The following LSAMP variants were observed in gnomAD, a reference collection of about 807,000 sequenced individuals.
The protein encoded by LSAMP is limbic system-associated membrane protein.
LSAMP carries 7 observed loss-of-function variants against 38.6 expected under a neutral mutation model. The observed-to-expected ratio is 0.18, with a 90% CI of 0.10 to 0.34. LSAMP has a LOEUF of 0.34. Among genes scored for constraint, LSAMP ranks in the 10% least tolerant of loss-of-function variants. The probability of loss-of-function intolerance (pLI) is 1.00; values close to 1 mark genes in which losing one functional copy is unlikely to be tolerated. For synonymous variants in LSAMP, 154 were observed against 166.8 expected (o/e 0.92, Z 0.59); for missense variants, 313 against 420.0 (o/e 0.75, Z 2.23).
At chr3:116,160,636 C>A (rs544307702) in intron 1 of LSAMP, among the ~76,000 whole-genome samples, 1 of 152,110 alleles carries the variant, frequency 6.6e-6, no homozygotes, top group South Asian at 2.1e-4. Context: ...ACTCGTATTA[C>A]AAACCTGCAC....
intron 1 of LSAMP, among the ~76,000 whole-genome samples, chr3:116,338,817 G>C (rs1032438282): frequency 6.6e-6 from 1 of 152,068 alleles, no homozygotes; most frequent in Non-Finnish European, 1.5e-5. Flanking sequence ...CTGGACTGGA[G>C]CTGCTGCAGT....
intron 3 of LSAMP, among the ~76,000 whole-genome samples, chr3:115,939,570 T>TTCTTTCTTTC (rs1553751077): frequency 0.061 from 8,301 of 136,830 alleles, 437 homozygotes; most frequent in East Asian, 0.15. Context: ...CTTTCTTTCT[T>TTCTTTCTTTC]TCTTTCTTTC....
chr3:115,853,317 T>C (rs1935389876), intron 3 of LSAMP, among the ~76,000 whole-genome samples: 1 of 152,202 alleles, frequency 6.6e-6, no homozygotes. Context: ...TAGAGGCTTT[T>C]AGGCCATGGG....
At chr3:116,112,730 G>T (rs908498320) in intron 1 of LSAMP, among the ~76,000 whole-genome samples, 1 of 152,148 alleles carries the variant, frequency 6.6e-6, no homozygotes, top group Non-Finnish European at 1.5e-5. Context: ...AGTGGGGAAC[G>T]AGTTTGGTAT....
At chr3:116,064,566 G>A (rs963954626) in intron 2 of LSAMP, among the ~76,000 whole-genome samples, 2 of 148,804 alleles carry the variant, frequency 1.3e-5, no homozygotes, top group Non-Finnish European at 3.0e-5. Context: ...GTGTGAAAAA[G>A]CAGTAAAGCA....
At chr3:115,848,109 T>C (rs73140489) in intron 4 of LSAMP, among the ~76,000 whole-genome samples, 1 of 152,336 alleles carries the variant, frequency 6.6e-6, no homozygotes, top group Non-Finnish European at 1.5e-5. Context: ...AAGATGAGCA[T>C]GGAGACTGAA....
chr3:116,324,788 A>G (rs1177229703), intron 1 of LSAMP, among the ~76,000 whole-genome samples: 2 of 152,098 alleles, frequency 1.3e-5, no homozygotes, highest in Non-Finnish European at 2.9e-5. Context: ...GTATCTTGTC[A>G]TTGTCTACAA....
intron 3 of LSAMP, among the ~76,000 whole-genome samples, chr3:115,991,983 T>A (rs1332086242): frequency 6.6e-6 from 1 of 152,012 alleles, no homozygotes; most frequent in Non-Finnish European, 1.5e-5. Context: ...GCTACTAGAT[T>A]TTTTCCCCCT....
chr3:115,931,555 C>T (rs4368499), intron 3 of LSAMP, among the ~76,000 whole-genome samples: 51,996 of 152,008 alleles, frequency 0.34, 9,815 homozygotes, highest in South Asian at 0.61. Flanking sequence ...CTGTTTAGAG[C>T]GTGTCTCCAC....
intron 1 of LSAMP, among the ~76,000 whole-genome samples, chr3:116,220,030 C>T (rs1429716571): frequency 6.6e-6 from 1 of 152,026 alleles, no homozygotes; most frequent in Non-Finnish European, 1.5e-5. Context: ...CAAAAATTAG[C>T]CAGTGTGGTG....
chr3:116,250,393 A>G (rs373622895), intron 1 of LSAMP, among the ~76,000 whole-genome samples: 1 of 152,176 alleles, frequency 6.6e-6, no homozygotes, highest in South Asian at 2.1e-4. Flanking sequence ...TTCCTTCATT[A>G]AAGAGTTGCC....
chr3:115,850,961 ATCTCTCTC>A (rs111466687), intron 4 of LSAMP, among the ~76,000 whole-genome samples: 15,930 of 150,766 alleles, frequency 0.11, 1,522 homozygotes, highest in African/African-American at 0.26. Context: ...ACAAATATAA[ATCTCTCTC>A]TCTCTCTCTC....
intron 1 of LSAMP, among the ~76,000 whole-genome samples, chr3:116,151,699 C>T (rs148869572): frequency 3.9e-5 from 6 of 152,048 alleles, no homozygotes; most frequent in East Asian, 1.9e-4. Context: ...TGGACTTGTC[C>T]GTAAAGACCA....
chr3:115,890,022 T>C (rs1936555557), intron 3 of LSAMP, among the ~76,000 whole-genome samples: 1 of 151,998 alleles, frequency 6.6e-6, no homozygotes, highest in Admixed American at 6.6e-5. Flanking sequence ...ACTTGTTTTA[T>C]GTAAACAAAT....
At position 116,212,556 on chromosome 3, in the gene LSAMP, T is replaced by G. The variant is rs552307292; in HGVS notation, c.156-126000A>C. ...TTTTGTTTAGAGATAAAATAAAACT[T>G]CAAAAAAAAAAACTACAGAAGTAAA... On this transcript the variant is annotated intron_variant, in intron 1 of 6. Coordinates refer to ENST00000490035, the MANE Select transcript of LSAMP (RefSeq NM_002338.5). 3.6e-3 allele frequency among the ~76,000 whole-genome samples: 370 copies of G among 102,048 alleles called. 2 individuals are homozygous for G. The highest frequency in any genetic ancestry group is 9.9e-3 in the African/African-American group (346 of 34,946). 66.9% of individuals were successfully genotyped at this position (102,048 alleles called of 152,430 possible).
chr3:116,444,348 ATGTG>A (rs143050946), intron 1 of LSAMP, among the ~76,000 whole-genome samples: 2 of 144,538 alleles, frequency 1.4e-5, no homozygotes, highest in East Asian at 2.1e-4. Flanking sequence ...CAACCTTGAT[ATGTG>A]TGTGTGTGTG....
intron 3 of LSAMP, among the ~76,000 whole-genome samples, chr3:115,926,640 C>T (rs1042492302): frequency 6.6e-6 from 1 of 152,140 alleles, no homozygotes; most frequent in African/African-American, 2.4e-5. Context: ...TGAAATGCTC[C>T]ACAAGGATGC....
chr3:116,169,554 C>T (rs941805131), intron 1 of LSAMP, among the ~76,000 whole-genome samples: 11 of 152,268 alleles, frequency 7.2e-5, no homozygotes, highest in Non-Finnish European at 1.0e-4. Flanking sequence ...CACAGCCCTA[C>T]GACTGTGTTC....
chr3:116,075,022 G>T (rs1257567354), intron 2 of LSAMP, among the ~76,000 whole-genome samples: 1 of 151,606 alleles, frequency 6.6e-6, no homozygotes, highest in Non-Finnish European at 1.5e-5. Flanking sequence ...TTTTAATAGA[G>T]ACATGGGGTT....
Sources: gnomAD v4.1 joint callset for allele counts (sites outside exome capture counted in the v4.1 genomes callset) on GRCh38, gnomAD v4.1.1 for gene constraint, MANE v1.5 for transcripts, NCBI Gene and HGNC (gene_info 2026-07-23, HGNC 2026-07-21) for gene names.